SYNDIG1: variants seen among roughly 807,000 people sequenced by gnomAD.
SYNDIG1 encodes synapse differentiation inducing 1.
In SYNDIG1, 9 loss-of-function variants were observed where a neutral mutation model predicts 19.4. That is an observed-to-expected ratio of 0.46 (90% CI 0.28 to 0.81). The LOEUF (loss-of-function observed/expected upper bound fraction) is 0.81. Ranked by LOEUF, SYNDIG1 falls within the 30% of genes least tolerant of loss-of-function variation. SYNDIG1 has a pLI of 0.12. For missense variants in SYNDIG1, 311 were observed against 343.3 expected, an observed-to-expected ratio of 0.91 and a Z score of 0.74; for synonymous variants, 141 against 145.9, an observed-to-expected ratio of 0.97 and a Z score of 0.24.
chr20:24,592,056 A>C (rs1029035223), intron 3 of SYNDIG1, among the ~76,000 whole-genome samples: 2 of 152,214 alleles, frequency 1.3e-5, no homozygotes, highest in African/African-American at 4.8e-5. Flanking sequence ...GATCATATTT[A>C]ATTATGGGAG....
chr20:24,642,121 T>C (rs975553507), intron 3 of SYNDIG1, among the ~76,000 whole-genome samples: 1 of 152,204 alleles, frequency 6.6e-6, no homozygotes, highest in Admixed American at 6.5e-5. Flanking sequence ...CCATATGGCA[T>C]TTAGTAGTTG....
intron 3 of SYNDIG1, among the ~76,000 whole-genome samples, chr20:24,617,788 C>CA (rs2058961791): frequency 3.1e-5 from 2 of 64,014 alleles, no homozygotes; most frequent in South Asian, 5.5e-4. Flanking sequence ...GGGGAGAGCC[C>CA]GGGAAGGGGG....
chr20:24,510,235 C>G (rs774689875), intron 1 of SYNDIG1, among the ~76,000 whole-genome samples: 1 of 152,098 alleles, frequency 6.6e-6, no homozygotes, highest in Non-Finnish European at 1.5e-5. Context: ...TGTTGAGAAA[C>G]CTACTCTTGG....
intron 1 of SYNDIG1, among the ~76,000 whole-genome samples, chr20:24,483,187 G>A (rs1040665954): frequency 6.6e-6 from 1 of 152,200 alleles, no homozygotes; most frequent in Non-Finnish European, 1.5e-5. Context: ...TGCAGTGCAC[G>A]TTGTGGTTGC....
chr20:24,520,507 A>G (rs2056981925), intron 1 of SYNDIG1, among the ~76,000 whole-genome samples: 1 of 152,062 alleles, frequency 6.6e-6, no homozygotes, highest in Admixed American at 6.6e-5. Flanking sequence ...AGCCTGGGAA[A>G]CATGGAGAAA....
chr20:24,613,158 G>A (rs1042287503), intron 3 of SYNDIG1, among the ~76,000 whole-genome samples: 2 of 152,210 alleles, frequency 1.3e-5, no homozygotes, highest in Non-Finnish European at 2.9e-5. Flanking sequence ...AAGGGTCTGG[G>A]TGCTTGGGGT....
chr20:24,538,857 G>A (rs1164662261), intron 1 of SYNDIG1, among the ~76,000 whole-genome samples: 1 of 151,580 alleles, frequency 6.6e-6, no homozygotes, highest in African/African-American at 2.4e-5. Flanking sequence ...CATTATTAGT[G>A]ATGTTGAGCA....
At chr20:24,552,134 G>A (rs1366749497) in intron 2 of SYNDIG1, among the ~76,000 whole-genome samples, 1 of 151,844 alleles carries the variant, frequency 6.6e-6, no homozygotes, top group African/African-American at 2.4e-5. Flanking sequence ...ATGTGTTTTG[G>A]GGCTCCGTTG....
chr20:24,639,089 G>C (rs892850718), intron 3 of SYNDIG1, among the ~76,000 whole-genome samples: 1 of 152,180 alleles, frequency 6.6e-6, no homozygotes, highest in Admixed American at 6.5e-5. Context: ...ACCCACAAAG[G>C]CCACACACAT....
At chr20:24,657,002 C>T (rs2059531950) in intron 3 of SYNDIG1, among the ~76,000 whole-genome samples, 1 of 152,214 alleles carries the variant, frequency 6.6e-6, no homozygotes, top group African/African-American at 2.4e-5. Flanking sequence ...TCTCACACCC[C>T]TGCTCTGGCC....
chr20:24,616,469 G>A, intron 3 of SYNDIG1, among the ~76,000 whole-genome samples: 1 of 152,236 alleles, frequency 6.6e-6, no homozygotes, highest in East Asian at 1.9e-4. Context: ...TTCCAGACAG[G>A]GCCGAGGTTG....
chr20:24,608,344 A>G (rs535019706), intron 3 of SYNDIG1, among the ~76,000 whole-genome samples: 2 of 152,178 alleles, frequency 1.3e-5, no homozygotes, highest in Admixed American at 1.3e-4. Context: ...ATGCCCAGCT[A>G]ATTTTAGTAC....
At position 24,596,282 on chromosome 20, in the gene SYNDIG1, G is replaced by A. The variant is rs73345317; in HGVS notation, c.618+11289G>A. Among the ~76,000 whole-genome samples the A allele has an allele frequency of 2.6e-3, 390 of 152,088 alleles. 5 individuals carry two copies. Among genetic ancestry groups the A allele is most frequent in the African/African-American group, 9.1e-3 (378 of 41,488 alleles). On this transcript the variant is annotated intron_variant, in intron 3 of 3. Coordinates refer to ENST00000376862, the MANE Select transcript of SYNDIG1 (RefSeq NM_024893.3). ...TGTATGGTTTTAAGTGATTTTCCTT[G>A]CATTGATTTTTTAAAAACAACTCAT...
In SYNDIG1 at chr20:24,658,480, G is replaced by A. The variant is rs1311118419; in HGVS notation, c.619-6866G>A. On this transcript the variant is annotated intron_variant, in intron 3 of 3. Coordinates refer to ENST00000376862, the MANE Select transcript of SYNDIG1 (RefSeq NM_024893.3). This position sits in a 1 kb window ranked among gnomAD's most constrained non-coding sequence, Gnocchi z 4.4. ...ACAGGCGCTCTGGCCGTACCCTGGG[G>A]GGTGAAAGCCCTTCCCCAGTGACCT... is the stretch of plus-strand genomic sequence containing the variant. Among the ~76,000 whole-genome samples, 1 of 152,080 alleles carries A rather than the reference G, an allele frequency of 6.6e-6. No individual in the cohort carries two copies. Among genetic ancestry groups the A allele is most frequent in the Non-Finnish European group, 1.5e-5 (1 of 68,002 alleles).
intron 1 of SYNDIG1, among the ~76,000 whole-genome samples, chr20:24,476,663 C>A (rs1312498672): frequency 6.6e-6 from 1 of 151,384 alleles, no homozygotes. Flanking sequence ...GAGCAAGACT[C>A]CAACTAAAAA....
intron 1 of SYNDIG1, among the ~76,000 whole-genome samples, chr20:24,486,118 G>A (rs1271947158): frequency 1.3e-5 from 2 of 152,216 alleles, no homozygotes; most frequent in East Asian, 1.9e-4. Flanking sequence ...TCAGTGACAG[G>A]CGTGCCAAGG....
intron 1 of SYNDIG1, among the ~76,000 whole-genome samples, chr20:24,485,118 G>A (rs929391340): frequency 6.6e-5 from 10 of 152,168 alleles, no homozygotes; most frequent in Non-Finnish European, 1.2e-4. Flanking sequence ...ACCAGAAGCC[G>A]GGGCCATGGC....
At position 24,511,797 on chromosome 20, in the gene SYNDIG1, C is replaced by G. The variant is rs1317074504; in HGVS notation, c.-78-31223C>G. Among the ~76,000 whole-genome samples the G allele has an allele frequency of 2.0e-5, 3 of 152,192 alleles. No homozygotes were observed. In the South Asian group the frequency reaches 6.2e-4, roughly 32 times the overall value. ...ATTGCAGGAAGTGTTTGAAGTGAGT[C>G]TGGCACCAGGTTTAAAACCAGTTTC... On this transcript the variant is annotated intron_variant, in intron 1 of 3. Transcript: ENST00000376862.
intron 3 of SYNDIG1, among the ~76,000 whole-genome samples, chr20:24,628,128 C>G (rs1427340271): frequency 6.6e-6 from 1 of 152,186 alleles, no homozygotes; most frequent in African/African-American, 2.4e-5. Context: ...CGGGGCATCC[C>G]CTGCATGCTC....
Sources: allele counts gnomAD v4.1 joint callset (sites outside exome capture counted in the v4.1 genomes callset), GRCh38; gene constraint gnomAD v4.1.1; non-coding constraint Gnocchi (gnomAD v3.1); transcripts MANE v1.5; gene names NCBI Gene and HGNC (gene_info 2026-07-23, HGNC 2026-07-21).